The following URB2 variants were observed in gnomAD, a reference collection of about 807,000 sequenced individuals.
URB2 encodes unhealthy ribosome biogenesis protein 2 homolog.
A neutral mutation model predicts 120.9 loss-of-function variants in URB2; 86 were observed. That is an observed-to-expected ratio of 0.71 (90% CI 0.60 to 0.85). The LOEUF (loss-of-function observed/expected upper bound fraction) is 0.85, where lower values mean the gene tolerates loss of function less well. URB2 is among the 40% of genes least tolerant of loss of function. URB2 has a pLI of 0.00. For missense variants in URB2, 1,765 were observed against 1,836.5 expected (o/e 0.96, Z 0.71); for synonymous variants, 755 against 758.4 (o/e 1.00, Z 0.07).
chr1:229,629,100 A>G (rs1230211516), intron 2 of URB2, among the ~76,000 whole-genome samples: 1 of 152,254 alleles, frequency 6.6e-6, no homozygotes, highest in African/African-American at 2.4e-5. Flanking sequence ...TGTTATTGAC[A>G]GTTCTGGGAT....
In URB2 at chr1:229,637,458, C is replaced by T; in HGVS notation, c.2845C>T (p.Leu949Phe). 1 of 1,614,166 alleles carries T rather than the reference C, an allele frequency of 6.2e-7. No individual in the cohort carries two copies. Among genetic ancestry groups the T allele is most frequent in the Non-Finnish European group, 8.5e-7 (1 of 1,180,036 alleles). ...GTTCTTGACGACTTGCTACCAACTT[C>T]TTGGTTACTTGCAAAAGGGGAAAAG... ...LKFLTTCYQL[L>F]GYLQKGKSAR... The change falls in exon 4 of 10, where the codon CTT becomes TTT. Residue 949 changes from leucine (L) to phenylalanine (F), a missense_variant. Physicochemically the swap from Leu to Phe is conservative, Grantham distance 22 (BLOSUM62 0). Transcript: ENST00000258243.
At chr1:229,655,472 A>G (rs1358919120) in intron 9 of URB2, among the ~76,000 whole-genome samples, 1 of 152,040 alleles carries the variant, frequency 6.6e-6, no homozygotes. Flanking sequence ...GACCTCAGGT[A>G]ATCCACCCGC....
intron 4 of URB2, among the ~76,000 whole-genome samples, chr1:229,641,007 C>G (rs1343084910): frequency 7.3e-6 from 1 of 136,360 alleles, no homozygotes; most frequent in Non-Finnish European, 1.5e-5. Context: ...TTGAGGCAAT[C>G]TCTTTTTTTT....
rs201490791 is a variant in URB2, at chr1:229,636,101, G to A, written c.1488G>A (p.Thr496=). The change falls in exon 4 of 10, where the codon ACG becomes ACA. Residue 496 remains threonine, a synonymous_variant. Transcript: ENST00000258243. ...CTGTGCTGGCCTCGGGCCCCTCCAC[G>A]GTACTCTCTGCATGCCTCCTGGAGC... The part of the protein sequence containing the change: ...RQPVLASGPS[T]VLSACLLELP... The A allele has an allele frequency of 1.3e-4, 215 of 1,614,088 alleles. No homozygotes were observed. The highest frequency in any genetic ancestry group is 1.6e-4 in the Middle Eastern group (1 of 6,084).
In URB2 at chr1:229,637,448, C is replaced by G. The variant is rs746110112; in HGVS notation, c.2835C>G (p.Cys945Trp). ...SSLALKFLTT[C>W]YQLLGYLQKG... ...TGGCTCTCAAGTTCTTGACGACTTG[C>G]TACCAACTTCTTGGTTACTTGCAAA... Residue 945 changes from cysteine to tryptophan, a missense_variant, in exon 4 of 10, where the codon TGC (cysteine) becomes TGG (tryptophan). Coordinates refer to ENST00000258243, the MANE Select transcript of URB2 (RefSeq NM_014777.4). 1.2e-6 allele frequency: 2 copies of G among 1,614,156 alleles called. No individual in the cohort carries two copies. Among genetic ancestry groups the G allele is most frequent in the South Asian group, 2.2e-5 (2 of 91,086 alleles).
At chr1:229,633,236 T>A (rs12126499) in intron 3 of URB2, among the ~76,000 whole-genome samples, 2 of 152,102 alleles carry the variant, frequency 1.3e-5, no homozygotes, top group African/African-American at 4.8e-5. Flanking sequence ...CGCATAGGGC[T>A]TAATGGTTCT....
Position 229,635,156 on chromosome 1 carries a change from C to A in URB2, c.543C>A (p.Leu181=). Residue 181 remains leucine, a synonymous_variant, in exon 4 of 10, where the codon CTC becomes CTA. Coordinates refer to ENST00000258243, the MANE Select transcript of URB2 (RefSeq NM_014777.4). ...EVIHLALGHY[L]LILQQQVNPR... is the part of the protein sequence containing the mutation. ...TTCACCTGGCCCTTGGCCATTATCT[C>A]TTGATCCTGCAGCAGCAGGTCAACC... 1 of 1,614,118 alleles carries A rather than the reference C, an allele frequency of 6.2e-7. No individual in the cohort carries two copies. Among genetic ancestry groups the A allele is most frequent in the Non-Finnish European group, 8.5e-7 (1 of 1,179,942 alleles).
intron 8 of URB2, among the ~76,000 whole-genome samples, chr1:229,653,476 A>T (rs1004939683): frequency 6.6e-6 from 1 of 152,058 alleles, no homozygotes; most frequent in African/African-American, 2.4e-5. Flanking sequence ...CCAGTCACCC[A>T]TCTGCTTTTT....
At chr1:229,626,764 A>C (rs1172765145) in intron 1 of URB2, among the ~76,000 whole-genome samples, 1 of 152,216 alleles carries the variant, frequency 6.6e-6, no homozygotes, top group Non-Finnish European at 1.5e-5. Context: ...CCTGTTATGC[A>C]CTTTGTAGCT....
At position 229,637,476 on chromosome 1, in the gene URB2, G is replaced by A. The variant is rs1397869452; in HGVS notation, c.2863G>A (p.Gly955Arg). ...CCAACTTCTTGGTTACTTGCAAAAG[G>A]GGAAAAGTGCTCGCTCTGTGTTCAA... ...CYQLLGYLQKGKSARSVFKIM... is the reference protein window; with the variant it reads ...CYQLLGYLQKRKSARSVFKIM... The change falls in exon 4 of 10, where the codon GGG becomes AGG. Residue 955 changes from glycine (G) to arginine (R), a missense_variant. Physicochemically the swap from Gly to Arg is moderately radical, Grantham distance 125 (BLOSUM62 -2). Coordinates refer to ENST00000258243, the MANE Select transcript of URB2 (RefSeq NM_014777.4). The A allele has an allele frequency of 1.9e-6, 3 of 1,614,062 alleles. No homozygotes were observed. The African/African-American group carries it at 4.0e-5, about 22-fold the overall frequency.
Position 229,651,275 on chromosome 1 carries a change from A to G in URB2, c.4190A>G (p.Asn1397Ser), listed in dbSNP as rs762292901. 1.9e-6 allele frequency: 3 copies of G among 1,612,568 alleles called. No homozygotes were observed. Among genetic ancestry groups the G allele is most frequent in the Non-Finnish European group, 2.5e-6 (3 of 1,179,400 alleles). The change falls in exon 8 of 10, where the codon AAT (asparagine) becomes AGT (serine). Residue 1397 changes from asparagine (N) to serine (S), a missense_variant. Transcript: ENST00000258243. ...KAIPSFLNSF[N>S]RLVFSVMREG... ...ATCCCTTCTTTCTTGAACTCTTTCA[A>G]TAGATTGGTGTTTTCAGTTATGCGG...
Position 229,638,221 on chromosome 1 carries a change from T to C in URB2, c.3608T>C (p.Phe1203Ser). 6.2e-7 allele frequency: 1 copy of C among 1,608,364 alleles called. No homozygotes were observed. Among genetic ancestry groups the C allele is most frequent in the Non-Finnish European group, 8.5e-7 (1 of 1,177,018 alleles). ...PKKDSVFTSM[F>S]HSVRRVLADP... ...AAGGACTCCGTGTTTACCTCCATGT[T>C]TCATTCTGTGAGAAGAGTTCTTGCA... Residue 1203 changes from phenylalanine to serine, a missense_variant, in exon 4 of 10, where the codon TTT (phenylalanine) becomes TCT (serine). Coordinates refer to ENST00000258243, the MANE Select transcript of URB2 (RefSeq NM_014777.4).
chr1:229,652,139 G>A (rs962512067), intron 8 of URB2, among the ~76,000 whole-genome samples: 9 of 151,694 alleles, frequency 5.9e-5, no homozygotes, highest in Non-Finnish European at 1.3e-4. Flanking sequence ...CTGAGATCGC[G>A]CCATTGCACT....
intron 6 of URB2, among the ~76,000 whole-genome samples, chr1:229,646,290 T>C (rs1388322125): frequency 6.6e-6 from 1 of 152,192 alleles, no homozygotes; most frequent in Non-Finnish European, 1.5e-5. Flanking sequence ...TAAAATTTTA[T>C]GTTTTATTAT....
In URB2 at chr1:229,636,624, A is replaced by G. The variant is rs763949413; in HGVS notation, c.2011A>G (p.Thr671Ala). 3 of 1,614,122 alleles carry G rather than the reference A, an allele frequency of 1.9e-6. No homozygotes were observed. In the African/African-American group the frequency reaches 4.0e-5, roughly 22 times the overall value. ...TACAGCTCAGTTCAGCTCTCTTGGT[A>G]CATATTGCTTAGAACAGCTGTACCT... ...KFTAQFSSLG[T>A]YCLEQLYLQK... The change falls in exon 4 of 10, where the codon ACA becomes GCA. Residue 671 changes from threonine to alanine, a missense_variant. Transcript: ENST00000258243.
chr1:229,656,544 A>G (rs1666410956), intron 9 of URB2, among the ~76,000 whole-genome samples: 1 of 152,254 alleles, frequency 6.6e-6, no homozygotes, highest in Non-Finnish European at 1.5e-5. Flanking sequence ...AAAATATTCC[A>G]TATGCATTAG....
intron 8 of URB2, among the ~76,000 whole-genome samples, chr1:229,653,037 C>T (rs6658432): frequency 0.39 from 59,781 of 151,816 alleles, 12,318 homozygotes; most frequent in Middle Eastern, 0.48. Flanking sequence ...AATTGGTGGC[C>T]GAAATAACAA....
At position 229,627,769 on chromosome 1, in the gene URB2, A is replaced by G. The variant is rs41271485; in HGVS notation, c.126+10A>G. On this transcript the variant is annotated intron_variant, in intron 2 of 9. Transcript: ENST00000258243. ...TCCAAATAAAGAACAAGTAAGTTTA[A>G]TGTGAAACTCATATTTTTACAGTCT... 9.9e-5 allele frequency: 159 copies of G among 1,601,840 alleles called. 1 individual carries two copies. The highest frequency in any genetic ancestry group is 1.2e-4 in the Non-Finnish European group (144 of 1,174,394).
intron 7 of URB2, 110 bp from the exon 8 acceptor site, chr1:229,651,124 TG>T: frequency 9.9e-7 from 1 of 1,007,160 alleles, no homozygotes; most frequent in Non-Finnish European, 1.4e-6. Context: ...ACAACTGGTT[TG>T]AGTGTCCCGA....
Sources: gnomAD v4.1 joint callset for allele counts (sites outside exome capture counted in the v4.1 genomes callset) on GRCh38, gnomAD v4.1.1 for gene constraint, MANE v1.5 for transcripts, NCBI Gene and HGNC (gene_info 2026-07-23, HGNC 2026-07-21) for gene names.